The following ATP2B2 variants were observed in gnomAD, a reference collection of about 807,000 sequenced individuals.
ATP2B2 encodes ATPase plasma membrane Ca2+ transporting 2, also known as plasma membrane calcium-transporting ATPase 2.
Under a neutral mutation model 120.0 loss-of-function variants are expected in ATP2B2, and 15 were observed. The ratio of observed to expected loss-of-function variants is 0.12; its 90% CI spans 0.08 to 0.19. ATP2B2 has a LOEUF of 0.19. Among genes scored for constraint, ATP2B2 ranks in the 10% least tolerant of loss-of-function variants. ATP2B2 has a pLI of 1.00. For synonymous variants in ATP2B2, 694 were observed against 700.3 expected (o/e 0.99, Z 0.14); for missense variants, 1,045 against 1,719.8 (o/e 0.61, Z 6.94).
intron 22 of ATP2B2, among the ~76,000 whole-genome samples, chr3:10,337,558 C>T (rs922867076): frequency 6.6e-6 from 1 of 152,160 alleles, no homozygotes; most frequent in Non-Finnish European, 1.5e-5. Context: ...CAGCCATGCT[C>T]TCTCTGCTCT....
intron 22 of ATP2B2, among the ~76,000 whole-genome samples, chr3:10,334,771 G>A (rs1284656318): frequency 6.6e-6 from 1 of 152,102 alleles, no homozygotes; most frequent in Non-Finnish European, 1.5e-5. Context: ...GAGGCACTGA[G>A]GGAGGCGCTC....
chr3:10,376,541 C>G (rs577654039), intron 10 of ATP2B2, among the ~76,000 whole-genome samples: 2 of 152,156 alleles, frequency 1.3e-5, no homozygotes, highest in African/African-American at 4.8e-5. Context: ...CCATCCTGAT[C>G]CCCTGGGGCT....
intron 12 of ATP2B2, among the ~76,000 whole-genome samples, chr3:10,364,832 A>G (rs2060997112): frequency 6.6e-6 from 1 of 152,250 alleles, no homozygotes; most frequent in Non-Finnish European, 1.5e-5. Flanking sequence ...TTAGAAAACA[A>G]CTTTATGCTA....
intron 22 of ATP2B2, among the ~76,000 whole-genome samples, chr3:10,336,986 G>T (rs2125351090): frequency 6.6e-6 from 1 of 152,322 alleles, no homozygotes; most frequent in Non-Finnish European, 1.5e-5. Context: ...GGACCTCCCA[G>T]GAGGTGGGGG....
At chr3:10,486,790 G>C (rs1417289349) in intron 1 of ATP2B2, among the ~76,000 whole-genome samples, 1 of 152,140 alleles carries the variant, frequency 6.6e-6, no homozygotes, top group Admixed American at 6.5e-5. Flanking sequence ...CATGATCTTG[G>C]CTCACTGTGA....
intron 11 of ATP2B2, among the ~76,000 whole-genome samples, chr3:10,374,963 C>A (rs555675095): frequency 1.3e-5 from 2 of 152,212 alleles, no homozygotes; most frequent in Non-Finnish European, 2.9e-5. Context: ...TACAGTTGCC[C>A]GCGGGGCCTA....
At chr3:10,667,650 A>ACT (rs145415717) in intron 1 of ATP2B2, among the ~76,000 whole-genome samples, 4,268 of 152,284 alleles carry the variant, frequency 0.028, 78 homozygotes, top group South Asian at 0.088. Flanking sequence ...AGTGAAGGTA[A>ACT]CTATTCTACA....
chr3:10,507,369 C>T (rs1044421057), upstream of ATP2B2, among the ~76,000 whole-genome samples: 1 of 152,138 alleles, frequency 6.6e-6, no homozygotes, highest in African/African-American at 2.4e-5. Flanking sequence ...CTGGCCACCC[C>T]TCTAGGTGGT....
intron 3 of ATP2B2, among the ~76,000 whole-genome samples, chr3:10,522,604 G>A (rs898350754): frequency 6.6e-6 from 1 of 152,222 alleles, no homozygotes; most frequent in Admixed American, 6.5e-5. Flanking sequence ...TTTCTCAGTA[G>A]CCCTTACTGC....
chr3:10,599,228 A>T (rs1350620910), intron 2 of ATP2B2, among the ~76,000 whole-genome samples: 2 of 152,194 alleles, frequency 1.3e-5, no homozygotes, highest in Non-Finnish European at 2.9e-5. Flanking sequence ...CAAAATCTGG[A>T]GGCTGGGTGT....
chr3:10,560,817 A>G (rs2067887826), intron 2 of ATP2B2, among the ~76,000 whole-genome samples: 1 of 152,072 alleles, frequency 6.6e-6, no homozygotes, highest in Non-Finnish European at 1.5e-5. Flanking sequence ...CAGTTAGATG[A>G]AATCCAAACC....
At chr3:10,685,245 G>A (rs1009613282) in intron 1 of ATP2B2, among the ~76,000 whole-genome samples, 21 of 152,198 alleles carry the variant, frequency 1.4e-4, no homozygotes, top group African/African-American at 5.1e-4. Flanking sequence ...GTATCTAACG[G>A]CAGGAATAAA....
intron 2 of ATP2B2, among the ~76,000 whole-genome samples, chr3:10,447,036 C>T (rs1000520345): frequency 1.3e-4 from 20 of 152,228 alleles, no homozygotes; most frequent in African/African-American, 4.8e-4. Context: ...AAACACCTTC[C>T]CTTCCATGAA....
At chr3:10,454,771 T>A (rs2064191822) in intron 1 of ATP2B2, among the ~76,000 whole-genome samples, 1 of 152,230 alleles carries the variant, frequency 6.6e-6, no homozygotes, top group South Asian at 2.1e-4. Flanking sequence ...CTCAGATGCC[T>A]GACTCCTGCA....
At chr3:10,683,921 CAAGT>C (rs2071454517) in intron 1 of ATP2B2, among the ~76,000 whole-genome samples, 1 of 151,276 alleles carries the variant, frequency 6.6e-6, no homozygotes, top group Non-Finnish European at 1.5e-5. Flanking sequence ...CTCAGCCTCC[CAAGT>C]AAGTATCTGG....
intron 1 of ATP2B2, among the ~76,000 whole-genome samples, chr3:10,452,572 A>G (rs1188934497): frequency 7.2e-5 from 11 of 152,192 alleles, no homozygotes; most frequent in African/African-American, 2.7e-4. Flanking sequence ...GGAGTAAGAC[A>G]AGGATAGAGT....
At position 10,598,968 on chromosome 3, in the gene ATP2B2, T is replaced by A. The variant is rs73033867; in HGVS notation, c.-415+20949A>T. 5.8e-3 allele frequency among the ~76,000 whole-genome samples: 889 copies of A among 152,342 alleles called. 4 individuals carry two copies. Among genetic ancestry groups the A allele is most frequent in the Non-Finnish European group, 8.0e-3 (546 of 68,030 alleles). On this transcript the variant is annotated intron_variant, in intron 2 of 21. Transcript: ENST00000646379. ...AGGGAAAAGCATATCTGATAACAGG[T>A]AAGTGATCCCACCTGCCCTGTGTTA...
rs139734317 is a variant in ATP2B2 at position 10,617,314 on chromosome 3, A to G, written c.-415+2603T>C. Among the ~76,000 whole-genome samples the G allele has an allele frequency of 3.9e-3, 596 of 152,334 alleles. 1 individual carries two copies. The highest frequency in any genetic ancestry group is 0.013 in the African/African-American group (560 of 41,580). ...CAGGGGTATAACAATGTCTCATCACACATATTAAAAGATTCCCAGGGTTTC... is the reference window on the plus strand; with the variant it reads ...CAGGGGTATAACAATGTCTCATCACGCATATTAAAAGATTCCCAGGGTTTC... On this transcript the variant is annotated intron_variant, in intron 2 of 21. Transcript: ENST00000646379.
In ATP2B2 at chr3:10,375,371, C is replaced by A; in HGVS notation, c.1416+59G>T. On this transcript the variant is annotated intron_variant, in intron 11 of 22. Transcript: ENST00000360273. The surrounding 1 kb of genome is among the most constrained non-coding windows in gnomAD (Gnocchi z 4.2). Reference sequence around the variant, plus strand: ...ACCCCAGCACCAGCCCCAGTGATTCCCCCAGGCCCTCAGCTGCAGCTGCAT... The same window carrying A: ...ACCCCAGCACCAGCCCCAGTGATTCACCCAGGCCCTCAGCTGCAGCTGCAT... 2 of 1,461,780 alleles carry A rather than the reference C, an allele frequency of 1.4e-6. No individual in the cohort carries two copies. Among genetic ancestry groups the A allele is most frequent in the Non-Finnish European group, 1.9e-6 (2 of 1,050,808 alleles). 90.6% of individuals were successfully genotyped at this position (1,461,780 alleles called of 1,614,324 possible).
Sources: gnomAD v4.1 joint callset for allele counts (sites outside exome capture counted in the v4.1 genomes callset) on GRCh38, gnomAD v4.1.1 for gene constraint, Gnocchi (gnomAD v3.1) non-coding constraint, MANE v1.5 for transcripts, NCBI Gene and HGNC (gene_info 2026-07-23, HGNC 2026-07-21) for gene names.